Variants in BPGM observed in about 807,000 individuals in gnomAD.
BPGM encodes bisphosphoglycerate mutase.
In BPGM, 15 loss-of-function variants were observed where a neutral mutation model predicts 21.6. The observed-to-expected ratio is 0.70, with a 90% CI of 0.47 to 1.07. BPGM has a LOEUF of 1.07. Among genes scored for constraint, BPGM ranks in the 50% least tolerant of loss-of-function variants. The probability of loss-of-function intolerance (pLI) is 0.00; values close to 1 mark genes in which losing one functional copy is unlikely to be tolerated. For missense variants in BPGM, 273 were observed against 319.0 expected (o/e 0.86, Z 1.10); for synonymous variants, 113 against 116.2 (o/e 0.97, Z 0.18).
At chr7:134,677,610 C>A (rs761223949) in intron 2 of BPGM, among the ~76,000 whole-genome samples, 8 of 152,152 alleles carry the variant, frequency 5.3e-5, no homozygotes, top group Non-Finnish European at 1.0e-4. Flanking sequence ...GATTACTAAC[C>A]AATAACAACT....
At chr7:134,659,685 C>G (rs1446368864) in intron 1 of BPGM, among the ~76,000 whole-genome samples, 2 of 152,168 alleles carry the variant, frequency 1.3e-5, no homozygotes, top group Non-Finnish European at 2.9e-5. Flanking sequence ...GCTGCACATG[C>G]ACAGCAACCT....
intron 1 of BPGM, among the ~76,000 whole-genome samples, chr7:134,660,034 A>G (rs1795705730): frequency 6.6e-6 from 1 of 152,222 alleles, no homozygotes; most frequent in Non-Finnish European, 1.5e-5. Flanking sequence ...TTGCCAGGAC[A>G]TATTCCCTTC....
chr7:134,650,997 T>G (rs1335715897), intron 1 of BPGM, among the ~76,000 whole-genome samples: 2 of 152,200 alleles, frequency 1.3e-5, no homozygotes, highest in Non-Finnish European at 2.9e-5. Flanking sequence ...CCTTTTTACT[T>G]TGTTAAAGAC....
chr7:134,657,480 A>G (rs1369821557), intron 1 of BPGM, among the ~76,000 whole-genome samples: 5 of 152,208 alleles, frequency 3.3e-5, no homozygotes, highest in Non-Finnish European at 5.9e-5. Flanking sequence ...CAGTTAATAA[A>G]TGAGGGCAAG....
At chr7:134,654,673 G>A (rs1795610595) in intron 1 of BPGM, among the ~76,000 whole-genome samples, 1 of 152,158 alleles carries the variant, frequency 6.6e-6, no homozygotes, top group Admixed American at 6.5e-5. Context: ...AGACACCCAA[G>A]ACCAAGATGT....
chr7:134,675,200 G>C (rs1190488793), intron 2 of BPGM, among the ~76,000 whole-genome samples: 1 of 151,940 alleles, frequency 6.6e-6, no homozygotes, highest in Non-Finnish European at 1.5e-5. Flanking sequence ...CCCATTCTCT[G>C]GGTTGCCTTT....
Position 134,661,764 on chromosome 7 carries a change from G to C in BPGM, c.257G>C (p.Arg86Pro). Residue 86 changes from arginine (R) to proline (P), a missense_variant, in exon 2 of 3, where the codon CGT (arginine) becomes CCT (proline). Arg to Pro is a moderately radical substitution (Grantham distance 103, BLOSUM62 -2). Transcript: ENST00000344924. This position sits in a 1 kb window ranked among gnomAD's most constrained non-coding sequence, Gnocchi z 4.6. ...QEWVPVESSW[R>P]LNERHYGALI... Reference sequence around the variant, plus strand: ...TGGGTGCCTGTGGAAAGCTCCTGGCGTCTAAATGAGCGTCACTATGGGGCC... The same window carrying C: ...TGGGTGCCTGTGGAAAGCTCCTGGCCTCTAAATGAGCGTCACTATGGGGCC... 6.2e-7 allele frequency: 1 copy of C among 1,614,130 alleles called. No homozygotes were observed. The highest frequency in any genetic ancestry group is 1.1e-5 in the South Asian group (1 of 91,080).
At chr7:134,677,285 G>T (rs919903449) in intron 2 of BPGM, among the ~76,000 whole-genome samples, 1 of 152,096 alleles carries the variant, frequency 6.6e-6, no homozygotes, top group African/African-American at 2.4e-5. Flanking sequence ...ATTGACAGGA[G>T]AATTGGAGGT....
At chr7:134,675,360 T>C (rs556344559) in intron 2 of BPGM, among the ~76,000 whole-genome samples, 15 of 152,310 alleles carry the variant, frequency 9.8e-5, no homozygotes, top group Non-Finnish European at 1.6e-4. Flanking sequence ...TGGCTTTTTT[T>C]CTAAAAATTT....
At chr7:134,673,533 T>C (rs1212956339) in intron 2 of BPGM, among the ~76,000 whole-genome samples, 1 of 152,190 alleles carries the variant, frequency 6.6e-6, no homozygotes, top group African/African-American at 2.4e-5. Flanking sequence ...ATCCCATGTA[T>C]ACCCAAGCCC....
chr7:134,669,867 A>G (rs1795877746), intron 2 of BPGM, among the ~76,000 whole-genome samples: 1 of 152,184 alleles, frequency 6.6e-6, no homozygotes, highest in African/African-American at 2.4e-5. Context: ...TATGCTAATA[A>G]GTCCAGGTTA....
chr7:134,650,457 A>G (rs4732043), intron 1 of BPGM, among the ~76,000 whole-genome samples: 88,874 of 152,162 alleles, frequency 0.58, 26,970 homozygotes, highest in East Asian at 0.89. Context: ...AAACACCTGT[A>G]AGTGGTAACA....
intron 1 of BPGM, among the ~76,000 whole-genome samples, chr7:134,650,705 G>A (rs1795542078): frequency 2.6e-5 from 4 of 152,116 alleles, no homozygotes; most frequent in South Asian, 2.1e-4. Context: ...GGCAGATCAC[G>A]AGGTCAGGAG....
chr7:134,671,887 G>A (rs185995577), intron 2 of BPGM, among the ~76,000 whole-genome samples: 17 of 152,300 alleles, frequency 1.1e-4, no homozygotes, highest in African/African-American at 4.1e-4. Context: ...ATCAAACATT[G>A]TTCCTGCTCT....
At chr7:134,662,226 A>C in intron 2 of BPGM, 118 bp downstream of exon 2, 1 of 1,363,666 alleles carries the variant, frequency 7.3e-7, no homozygotes, top group African/African-American at 1.4e-5. Context: ...CCCCTTTGTC[A>C]CTTCAGATTT....
rs148288829 is a variant in BPGM at position 134,673,691 on chromosome 7, T to A, written c.602-5162T>A. Among the ~76,000 whole-genome samples, 236 of 152,326 alleles carry A rather than the reference T, an allele frequency of 1.5e-3. 1 individual carries two copies. Among genetic ancestry groups the A allele is most frequent in the Non-Finnish European group, 1.3e-3 (86 of 68,038 alleles). Reference sequence around the variant, plus strand: ...GGGAACACTGGATGGCATCAGCAGATGTCCATTTAGGACCCAGCCTTTCAC... The same window carrying A: ...GGGAACACTGGATGGCATCAGCAGAAGTCCATTTAGGACCCAGCCTTTCAC... On this transcript the variant is annotated intron_variant, in intron 2 of 2. Transcript: ENST00000344924.
At chr7:134,659,363 A>T (rs1795692048) in intron 1 of BPGM, among the ~76,000 whole-genome samples, 1 of 143,700 alleles carries the variant, frequency 7.0e-6, no homozygotes. Context: ...ACACTTACAC[A>T]CACCCCTCCG....
intron 1 of BPGM, among the ~76,000 whole-genome samples, chr7:134,656,258 G>A (rs1795636859): frequency 6.6e-6 from 1 of 152,198 alleles, no homozygotes; most frequent in Non-Finnish European, 1.5e-5. Flanking sequence ...TAGTGCGGTA[G>A]CCACTGGTCA....
Position 134,661,775 on chromosome 7 carries a change from C to T in BPGM, c.268C>T (p.Arg90Cys), listed in dbSNP as rs121964925. Residue 90 changes from arginine to cysteine, a missense_variant, in exon 2 of 3, where the codon CGT becomes TGT. Physicochemically the swap from Arg to Cys is radical, Grantham distance 180. Coordinates refer to ENST00000344924, the MANE Select transcript of BPGM (RefSeq NM_001724.5). The surrounding 1 kb of genome is among the most constrained non-coding windows in gnomAD (Gnocchi z 4.6). The stretch of plus-strand genomic sequence containing the variant: ...GGAAAGCTCCTGGCGTCTAAATGAG[C>T]GTCACTATGGGGCCTTGATCGGTCT... ...PVESSWRLNE[R>C]HYGALIGLNR... The T allele has an allele frequency of 3.7e-6, 6 of 1,614,080 alleles. No individual in the cohort carries two copies. The highest frequency in any genetic ancestry group is 3.3e-4 in the Middle Eastern group (2 of 6,062).
Sources: allele counts gnomAD v4.1 joint callset (sites outside exome capture counted in the v4.1 genomes callset), GRCh38; gene constraint gnomAD v4.1.1; non-coding constraint Gnocchi (gnomAD v3.1); transcripts MANE v1.5; gene names NCBI Gene and HGNC (gene_info 2026-07-23, HGNC 2026-07-21).